The following LGR4 variants were observed in gnomAD, a reference collection of about 807,000 sequenced individuals.
LGR4 encodes the protein leucine rich repeat containing G protein-coupled receptor 4.
Under a neutral mutation model 84.8 loss-of-function variants are expected in LGR4, and 44 were observed. The ratio of observed to expected loss-of-function variants is 0.52; its 90% CI spans 0.41 to 0.67. The LOEUF (loss-of-function observed/expected upper bound fraction) is 0.67. Among genes scored for constraint, LGR4 ranks in the 30% least tolerant of loss-of-function variants. The pLI is 0.00. For synonymous variants in LGR4, 429 were observed against 434.3 expected, an observed-to-expected ratio of 0.99 and a Z score of 0.15; for missense variants, 1,032 against 1,131.4, an observed-to-expected ratio of 0.91 and a Z score of 1.26.
chr11:27,446,585 T>C (rs1278920250), intron 1 of LGR4, among the ~76,000 whole-genome samples: 2 of 152,190 alleles, frequency 1.3e-5, no homozygotes, highest in Non-Finnish European at 2.9e-5. Context: ...ACACTGTTGG[T>C]GGGACTGTAA....
chr11:27,439,901 C>CTTTT (rs1164372130), intron 1 of LGR4, among the ~76,000 whole-genome samples: 7 of 100,720 alleles, frequency 6.9e-5, no homozygotes, highest in Non-Finnish European at 1.1e-4. Flanking sequence ...TAGGATTTCT[C>CTTTT]TTTTTTTTTT....
At chr11:27,370,904 A>T (rs1862870138) in intron 17 of LGR4, among the ~76,000 whole-genome samples, 1 of 152,166 alleles carries the variant, frequency 6.6e-6, no homozygotes, top group Non-Finnish European at 1.5e-5. Context: ...AACTGCATTC[A>T]CTTATCTAGT....
intron 1 of LGR4, among the ~76,000 whole-genome samples, chr11:27,447,264 T>C (rs936474072): frequency 1.3e-5 from 2 of 152,110 alleles, no homozygotes; most frequent in Admixed American, 6.6e-5. Context: ...TTGCACAAGA[T>C]ACAGGTGGTA....
At chr11:27,396,362 G>T (rs1863391920) in intron 2 of LGR4, among the ~76,000 whole-genome samples, 2 of 152,166 alleles carry the variant, frequency 1.3e-5, no homozygotes. Flanking sequence ...CAGAACTGCA[G>T]TTACGGAGAA....
intron 1 of LGR4, among the ~76,000 whole-genome samples, chr11:27,438,599 T>C (rs1212569931): frequency 2.6e-5 from 4 of 152,226 alleles, no homozygotes; most frequent in African/African-American, 7.2e-5. Flanking sequence ...CTGGATGAGA[T>C]GATCATTGTA....
intron 1 of LGR4, among the ~76,000 whole-genome samples, chr11:27,441,750 G>A (rs559385951): frequency 6.6e-6 from 1 of 152,174 alleles, no homozygotes; most frequent in African/African-American, 2.4e-5. Context: ...AGTTGAGACA[G>A]GGCTCACCAA....
At chr11:27,467,587 AT>A (rs910209628) in intron 1 of LGR4, among the ~76,000 whole-genome samples, 4 of 151,846 alleles carry the variant, frequency 2.6e-5, no homozygotes, top group African/African-American at 9.7e-5. Flanking sequence ...AAAAAATCAA[AT>A]TAAATAGAGA....
intron 15 of LGR4, 98 bp downstream of exon 15, chr11:27,373,453 A>G (rs376518124): frequency 8.4e-7 from 1 of 1,188,802 alleles, no homozygotes; most frequent in East Asian, 2.5e-5. Flanking sequence ...ATTATAGCCT[A>G]TCAGAAAATC....
At chr11:27,378,790 G>GT in intron 10 of LGR4, 22 bp from the exon 11 acceptor site, 1 of 1,564,618 alleles carries the variant, frequency 6.4e-7, no homozygotes, top group Non-Finnish European at 8.8e-7. Context: ...CATTATTCAT[G>GT]TAAGAAATAA....
chr11:27,472,069 T>A, intron 1 of LGR4, 49 bp downstream of exon 1: 31 of 876,962 alleles, frequency 3.5e-5, no homozygotes, highest in African/African-American at 8.2e-5. Context: ...CGCCCCCCGC[T>A]GGGCCCCGTT....
At position 27,368,032 on chromosome 11, in the gene LGR4, G is replaced by T. The variant is rs201557941; in HGVS notation, c.2691C>A (p.Ser897=). 1.2e-6 allele frequency: 2 copies of T among 1,612,010 alleles called. No individual in the cohort carries two copies. Among genetic ancestry groups the T allele is most frequent in the African/African-American group, 2.7e-5 (2 of 74,918 alleles). Residue 897 remains serine (S), a synonymous_variant, in exon 18 of 18, where the codon TCC becomes TCA. Transcript: ENST00000379214. ...AGTGGGCCGACTGTGTGCCACAGTC[G>T]GACCAGTAGCCCTCAGGTCTTTGGC... ...ASCQRPEGYW[S]DCGTQSAHSD...
At chr11:27,386,417 G>A (rs183266210) in intron 4 of LGR4, among the ~76,000 whole-genome samples, 1 of 152,296 alleles carries the variant, frequency 6.6e-6, no homozygotes, top group African/African-American at 2.4e-5. Context: ...CCTTGTTGAT[G>A]TATCTTCATT....
intron 1 of LGR4, among the ~76,000 whole-genome samples, chr11:27,456,443 C>A (rs751682792): frequency 6.6e-6 from 1 of 152,196 alleles, no homozygotes; most frequent in African/African-American, 2.4e-5. Context: ...CCTATAAAAA[C>A]ATCTTCAACA....
intron 1 of LGR4, among the ~76,000 whole-genome samples, chr11:27,464,807 T>A (rs144853253): frequency 6.6e-6 from 1 of 152,176 alleles, no homozygotes; most frequent in Non-Finnish European, 1.5e-5. Flanking sequence ...TTCTACACTC[T>A]GATTCAAATA....
intron 1 of LGR4, chr11:27,471,839 TG>T: frequency 3.5e-6 from 1 of 282,746 alleles, no homozygotes; most frequent in Non-Finnish European, 6.5e-6. Context: ...ACTTGTGAGT[TG>T]GGGGTGTGCG....
chr11:27,408,689 C>T (rs893499068), intron 2 of LGR4, among the ~76,000 whole-genome samples: 2 of 152,094 alleles, frequency 1.3e-5, no homozygotes, highest in African/African-American at 4.8e-5. Context: ...AAAATTCTGG[C>T]TTTCCTTTTA....
In LGR4 at chr11:27,432,629, T is replaced by C. The variant is rs565910448; in HGVS notation, c.186-19769A>G. 2.0e-5 allele frequency among the ~76,000 whole-genome samples: 3 copies of C among 152,328 alleles called. No homozygotes were observed. In the South Asian group the frequency reaches 6.2e-4, roughly 32 times the overall value. Reference sequence around the variant, plus strand: ...ACAGCAGCAAATATTTTAGAATTACTAGGACATCCGAGAGTGTCTAAAGCA... The same window carrying C: ...ACAGCAGCAAATATTTTAGAATTACCAGGACATCCGAGAGTGTCTAAAGCA... On this transcript the variant is annotated intron_variant, in intron 1 of 17. Coordinates refer to ENST00000379214, the MANE Select transcript of LGR4 (RefSeq NM_018490.5).
Position 27,371,688 on chromosome 11 carries a change from A to G in LGR4, c.1506T>C (p.Asp502=), listed in dbSNP as rs1565068620. The G allele has an allele frequency of 8.1e-6, 13 of 1,610,432 alleles. No homozygotes were observed. Among genetic ancestry groups the G allele is most frequent in the Non-Finnish European group, 1.0e-5 (12 of 1,177,220 alleles). The change falls in exon 17 of 18, where the codon GAT becomes GAC. Residue 502 remains aspartate (D), a synonymous_variant. Transcript: ENST00000379214. ...CAAGAGTGCTTGTGACATTTGCTGCATCAGCAGTACCTGAACATATAACAC... is the reference window on the plus strand; with the variant it reads ...CAAGAGTGCTTGTGACATTTGCTGCGTCAGCAGTACCTGAACATATAACAC... ...HSVAQEKGTA[D]AANVTSTLEN...
At chr11:27,388,452 T>A (rs563271640) in intron 4 of LGR4, among the ~76,000 whole-genome samples, 1 of 152,330 alleles carries the variant, frequency 6.6e-6, no homozygotes, top group African/African-American at 2.4e-5. Context: ...GGTATTTTTC[T>A]ATTTAAACTC....
Sources: allele counts gnomAD v4.1 joint callset (sites outside exome capture counted in the v4.1 genomes callset), GRCh38; gene constraint gnomAD v4.1.1; transcripts MANE v1.5; gene names NCBI Gene and HGNC (gene_info 2026-07-23, HGNC 2026-07-21).